The following RGS6 variants were observed in gnomAD, a reference collection of about 807,000 sequenced individuals.
RGS6 encodes the protein regulator of G-protein signaling 6.
A neutral mutation model predicts 78.5 loss-of-function variants in RGS6; 30 were observed. That is an observed-to-expected ratio of 0.38 (90% CI 0.29 to 0.52). The LOEUF is 0.52. Ranked by LOEUF, RGS6 falls within the 20% of genes least tolerant of loss-of-function variation. RGS6 has a pLI of 0.85. For synonymous variants in RGS6, 206 were observed against 206.0 expected, an observed-to-expected ratio of 1.00 and a Z score of 0.00; for missense variants, 495 against 609.7, an observed-to-expected ratio of 0.81 and a Z score of 1.98.
intron 2 of RGS6, among the ~76,000 whole-genome samples, chr14:72,188,760 T>C (rs747750988): frequency 6.6e-6 from 1 of 152,198 alleles, no homozygotes; most frequent in African/African-American, 2.4e-5. Context: ...CCTGGGCTCA[T>C]GTAAGAGCAG....
chr14:72,269,766 T>C (rs1027508951), intron 2 of RGS6, among the ~76,000 whole-genome samples: 1 of 151,930 alleles, frequency 6.6e-6, no homozygotes, highest in African/African-American at 2.4e-5. Context: ...GGTTTCACCA[T>C]GCTAGCCAGG....
upstream of RGS6, among the ~76,000 whole-genome samples, chr14:71,930,977 C>CAAAAAAAAAAAAAAAAAAAAAAAAAAA (rs58649273): frequency 1.2e-4 from 2 of 16,648 alleles, 1 homozygote; most frequent in African/African-American, 3.1e-4. Context: ...AACTACGTCT[C>CAAAAAAAAAAAAAAAAAAAAAAAAAAA]AAAAAAAAAA....
chr14:72,018,103 C>A (rs145639557), intron 2 of RGS6, among the ~76,000 whole-genome samples: 1 of 152,260 alleles, frequency 6.6e-6, no homozygotes, highest in East Asian at 1.9e-4. Context: ...AGGACATGAT[C>A]TCATTCCTTT....
At chr14:72,233,058 A>G (rs1449892059) in intron 2 of RGS6, among the ~76,000 whole-genome samples, 1 of 152,162 alleles carries the variant, frequency 6.6e-6, no homozygotes, top group Non-Finnish European at 1.5e-5. Flanking sequence ...TGTAGCCTGG[A>G]ATGGCTTGTA....
At chr14:72,459,480 A>T in intron 5 of RGS6, 152 bp from the exon 6 acceptor site, 1 of 677,208 alleles carries the variant, frequency 1.5e-6, no homozygotes, top group Non-Finnish European at 2.5e-6. Flanking sequence ...GACTCACCTT[A>T]GCTGAATTAG....
At position 72,064,874 on chromosome 14, in the gene RGS6, A is replaced by T. The variant is rs1325585548; in HGVS notation, c.84+99999A>T. On this transcript the variant is annotated intron_variant, in intron 2 of 17. Coordinates refer to ENST00000553525, the MANE Select transcript of RGS6 (RefSeq NM_001204424.2). ...AAAAAACAACTTTGAAAACATAAAA[A>T]TGGTGAAGTGTGGCAATGGTATCAT... Among the ~76,000 whole-genome samples the T allele has an allele frequency of 2.6e-5, 4 of 152,348 alleles. No homozygotes were observed. In the South Asian group the frequency reaches 8.3e-4, roughly 32 times the overall value.
chr14:72,086,717 T>A (rs965991975), intron 2 of RGS6, among the ~76,000 whole-genome samples: 3 of 152,186 alleles, frequency 2.0e-5, no homozygotes, highest in African/African-American at 7.2e-5. Flanking sequence ...AGCAGGAGAT[T>A]TATGGAATTT....
At chr14:72,167,273 A>C (rs2096940926) in intron 2 of RGS6, among the ~76,000 whole-genome samples, 1 of 152,268 alleles carries the variant, frequency 6.6e-6, no homozygotes, top group Non-Finnish European at 1.5e-5. Flanking sequence ...GTTCCTTGAC[A>C]GATGGGCCTG....
chr14:72,478,223 ATAATTT>A (rs1264474683), intron 11 of RGS6, 39 bp from the exon 12 acceptor site: 11 of 1,487,440 alleles, frequency 7.4e-6, no homozygotes, highest in Non-Finnish European at 1.0e-5. Flanking sequence ...GGGGAAAAAA[ATAATTT>A]TAGTTTGGTC....
At chr14:72,328,336 C>T (rs1280823390) in intron 2 of RGS6, among the ~76,000 whole-genome samples, 2 of 152,172 alleles carry the variant, frequency 1.3e-5, no homozygotes, top group East Asian at 3.9e-4. Context: ...TTAACCATCA[C>T]AGACACTGAC....
chr14:72,429,533 GAA>G (rs2094547374), intron 3 of RGS6, among the ~76,000 whole-genome samples: 1 of 152,156 alleles, frequency 6.6e-6, no homozygotes, highest in South Asian at 2.1e-4. Flanking sequence ...AAGCCAGCCA[GAA>G]AAAGAGACTG....
chr14:72,305,310 A>G (rs1390589365), intron 2 of RGS6, among the ~76,000 whole-genome samples: 1 of 152,192 alleles, frequency 6.6e-6, no homozygotes, highest in African/African-American at 2.4e-5. Flanking sequence ...TGTTGGGGTT[A>G]CATATAGATG....
chr14:72,561,265 C>T (rs976615269), intron 17 of RGS6, among the ~76,000 whole-genome samples: 14 of 152,166 alleles, frequency 9.2e-5, no homozygotes, highest in Non-Finnish European at 1.9e-4. Context: ...CATGAGGAAT[C>T]GCTGGCCCTT....
At chr14:72,002,127 A>G (rs1372488231) in intron 2 of RGS6, among the ~76,000 whole-genome samples, 2 of 151,736 alleles carry the variant, frequency 1.3e-5, no homozygotes, top group Non-Finnish European at 2.9e-5. Context: ...GGTCTCAAAC[A>G]ATCTACCCAC....
At chr14:72,037,719 A>G (rs1050860346) in intron 2 of RGS6, among the ~76,000 whole-genome samples, 1 of 152,240 alleles carries the variant, frequency 6.6e-6, no homozygotes, top group South Asian at 2.1e-4. Flanking sequence ...CCATGGGTAT[A>G]TGCAGCAGAG....
At chr14:72,152,069 T>G (rs1274071826) in intron 2 of RGS6, among the ~76,000 whole-genome samples, 1 of 152,066 alleles carries the variant, frequency 6.6e-6, no homozygotes, top group Non-Finnish European at 1.5e-5. Context: ...TGGGGTTTTG[T>G]GAAAATAAAA....
chr14:72,037,104 A>G (rs759562187), intron 2 of RGS6, among the ~76,000 whole-genome samples: 14 of 152,308 alleles, frequency 9.2e-5, no homozygotes, highest in Admixed American at 2.0e-4. Context: ...TGCACTAATC[A>G]GCACTCTGTA....
chr14:72,217,284 G>A (rs1813920010), intron 2 of RGS6, among the ~76,000 whole-genome samples: 1 of 152,218 alleles, frequency 6.6e-6, no homozygotes, highest in Admixed American at 6.5e-5. Context: ...GCAATCTCAT[G>A]AAAGTAGAAT....
At chr14:72,030,678 C>T (rs1252981838) in intron 2 of RGS6, among the ~76,000 whole-genome samples, 10 of 152,108 alleles carry the variant, frequency 6.6e-5, no homozygotes, top group East Asian at 5.8e-4. Context: ...ATAAGTGGAG[C>T]GTAAATGCTT....
Sources: gnomAD v4.1 joint callset for allele counts (sites outside exome capture counted in the v4.1 genomes callset) on GRCh38, gnomAD v4.1.1 for gene constraint, MANE v1.5 for transcripts, NCBI Gene and HGNC (gene_info 2026-07-23, HGNC 2026-07-21) for gene names.